HCN1: variants seen among roughly 807,000 people sequenced by gnomAD.
HCN1 encodes the protein potassium/sodium hyperpolarization-activated cyclic nucleotide-gated channel 1.
In HCN1, 13 loss-of-function variants were observed where a neutral mutation model predicts 78.9. The ratio of observed to expected loss-of-function variants is 0.16; its 90% CI spans 0.11 to 0.26. HCN1 has a LOEUF of 0.26. HCN1 is among the 10% of genes least tolerant of loss of function. The pLI, the probability that HCN1 is intolerant of heterozygous loss-of-function variation, is 1.00. For missense variants in HCN1, 810 were observed against 1,154.3 expected, an observed-to-expected ratio of 0.70 and a Z score of 4.32; for synonymous variants, 552 against 455.5, an observed-to-expected ratio of 1.21 and a Z score of -2.70.
At chr5:45,592,825 G>T (rs901014733) in intron 2 of HCN1, among the ~76,000 whole-genome samples, 1 of 152,000 alleles carries the variant, frequency 6.6e-6, no homozygotes, top group African/African-American at 2.4e-5. Context: ...ATAGGTACAA[G>T]AACCAAACCA....
chr5:45,580,707 G>T (rs1477259497), intron 2 of HCN1, among the ~76,000 whole-genome samples: 2 of 151,956 alleles, frequency 1.3e-5, no homozygotes, highest in African/African-American at 4.8e-5. Context: ...CCCCACAACA[G>T]GCCCTGGTGT....
At chr5:45,306,932 TA>T (rs1745746745) in intron 5 of HCN1, among the ~76,000 whole-genome samples, 1 of 152,172 alleles carries the variant, frequency 6.6e-6, no homozygotes, top group South Asian at 2.1e-4. Flanking sequence ...GTTGGCACTT[TA>T]AAAAATGCAA....
chr5:45,314,480 T>C (rs1745933257), intron 5 of HCN1, among the ~76,000 whole-genome samples: 2 of 152,128 alleles, frequency 1.3e-5, no homozygotes, highest in Admixed American at 1.3e-4. Context: ...CCAGCTAACA[T>C]CATAATGACA....
At chr5:45,419,544 T>C (rs1374010061) in intron 3 of HCN1, among the ~76,000 whole-genome samples, 1 of 152,198 alleles carries the variant, frequency 6.6e-6, no homozygotes, top group Non-Finnish European at 1.5e-5. Flanking sequence ...AATCTCTTTG[T>C]CCCTCCAAAT....
intron 2 of HCN1, among the ~76,000 whole-genome samples, chr5:45,571,661 T>C (rs1173180184): frequency 6.6e-6 from 1 of 152,178 alleles, no homozygotes; most frequent in Non-Finnish European, 1.5e-5. Context: ...ATGCCTGTAA[T>C]CCCAGCACTT....
At chr5:45,695,332 GTC>G (rs1266688064) in intron 1 of HCN1, among the ~76,000 whole-genome samples, 1 of 152,060 alleles carries the variant, frequency 6.6e-6, no homozygotes, top group Non-Finnish European at 1.5e-5. Context: ...TCACGCTCTC[GTC>G]TCTGAAGTAA....
At chr5:45,663,967 C>A (rs1473534031) in intron 1 of HCN1, among the ~76,000 whole-genome samples, 1 of 144,326 alleles carries the variant, frequency 6.9e-6, no homozygotes, top group Non-Finnish European at 1.5e-5. Flanking sequence ...GGTATATACC[C>A]AAATGACTAT....
chr5:45,296,950 G>C (rs1229600153), intron 6 of HCN1, among the ~76,000 whole-genome samples: 2 of 151,966 alleles, frequency 1.3e-5, no homozygotes, highest in African/African-American at 4.8e-5. Flanking sequence ...GGATCAATTT[G>C]CTGAGACCAG....
At chr5:45,406,125 A>C (rs1339687598) in intron 3 of HCN1, among the ~76,000 whole-genome samples, 1 of 152,134 alleles carries the variant, frequency 6.6e-6, no homozygotes, top group African/African-American at 2.4e-5. Context: ...TTTTATACTA[A>C]GAGTTCATTG....
intron 2 of HCN1, among the ~76,000 whole-genome samples, chr5:45,608,357 A>ATGTGTGTGTGTGTGTGTGTGTG (rs397970171): frequency 7.1e-6 from 1 of 140,412 alleles, no homozygotes; most frequent in African/African-American, 2.6e-5. Context: ...GGATGGGTGT[A>ATGTGTGTGTGTGTGTGTGTGTG]TGTGTGTGTG....
Position 45,548,575 on chromosome 5 carries a change from A to G in HCN1, c.850-86568T>C, listed in dbSNP as rs865840401. On this transcript the variant is annotated intron_variant, in intron 2 of 7. Coordinates refer to ENST00000303230, the MANE Select transcript of HCN1 (RefSeq NM_021072.4). ...CAAAAAACTGGAAGCATTCCCTTTG[A>G]AAACTGGCACAAGACAGGGATGCCC... 1.3e-5 allele frequency among the ~76,000 whole-genome samples: 2 copies of G among 152,124 alleles called. 1 individual carries two copies. Among genetic ancestry groups the G allele is most frequent in the South Asian group, 4.1e-4 (2 of 4,838 alleles).
intron 3 of HCN1, among the ~76,000 whole-genome samples, chr5:45,427,755 T>A (rs961363961): frequency 6.6e-6 from 1 of 152,162 alleles, no homozygotes; most frequent in Non-Finnish European, 1.5e-5. Context: ...TAGTTATTGA[T>A]AACATTTTTA....
intron 6 of HCN1, among the ~76,000 whole-genome samples, chr5:45,301,615 G>A (rs1297157051): frequency 1.3e-5 from 2 of 151,290 alleles, no homozygotes; most frequent in African/African-American, 4.9e-5. Context: ...CCAGCTACTA[G>A]GGAGGCTGAG....
rs994509783 is a variant in HCN1 at position 45,494,736 on chromosome 5, T to G, written c.850-32729A>C. On this transcript the variant is annotated intron_variant, in intron 2 of 7. Transcript: ENST00000303230. ...TCTAGGGTTTTTATGGTTTTAGGTCTAACGTTTAAGTCTTTACTCCATCTT... is the reference window on the plus strand; with the variant it reads ...TCTAGGGTTTTTATGGTTTTAGGTCGAACGTTTAAGTCTTTACTCCATCTT... Among the ~76,000 whole-genome samples the G allele has an allele frequency of 5.1e-3, 779 of 152,328 alleles. 4 individuals are homozygous for G. Among genetic ancestry groups the G allele is most frequent in the Non-Finnish European group, 7.3e-3 (496 of 68,038 alleles).
chr5:45,690,746 T>C (rs1365977894), intron 1 of HCN1, among the ~76,000 whole-genome samples: 1 of 152,072 alleles, frequency 6.6e-6, no homozygotes, highest in Non-Finnish European at 1.5e-5. Context: ...TCAGCCTAAT[T>C]CATAGTTTGT....
At chr5:45,658,082 C>T (rs571856161) in intron 1 of HCN1, among the ~76,000 whole-genome samples, 7 of 152,206 alleles carry the variant, frequency 4.6e-5, no homozygotes, top group South Asian at 4.1e-4. Flanking sequence ...GAAATAACGC[C>T]GCATATCTAC....
intron 2 of HCN1, among the ~76,000 whole-genome samples, chr5:45,580,108 G>T (rs1382471485): frequency 6.6e-6 from 1 of 152,038 alleles, no homozygotes; most frequent in Non-Finnish European, 1.5e-5. Context: ...GCCCTGAAAG[G>T]TTCCTATGTC....
intron 2 of HCN1, among the ~76,000 whole-genome samples, chr5:45,568,057 T>A (rs1466675597): frequency 6.6e-6 from 1 of 152,118 alleles, no homozygotes; most frequent in Non-Finnish European, 1.5e-5. Context: ...TAACAGGTCT[T>A]TCCACTCTAC....
In HCN1 at chr5:45,461,984, G is replaced by A. The variant is rs766568196; in HGVS notation, c.873C>T (p.Leu291=). The change falls in exon 3 of 8, where the codon CTC becomes CTT. Residue 291 remains leucine (L), a synonymous_variant. Transcript: ENST00000303230. ...TAAAAATTCTCACCACTGCACTGGC[G>A]AGATCATATGTCATGTGGAATATCT... ...WEEIFHMTYD[L]ASAVVRIFNL... is the part of the protein sequence containing the mutation. 8 of 1,613,036 alleles carry A rather than the reference G, an allele frequency of 5.0e-6. No individual in the cohort carries two copies. The highest frequency in any genetic ancestry group is 1.3e-5 in the African/African-American group (1 of 74,860).
Sources: allele counts gnomAD v4.1 joint callset (sites outside exome capture counted in the v4.1 genomes callset), GRCh38; gene constraint gnomAD v4.1.1; transcripts MANE v1.5; gene names NCBI Gene and HGNC (gene_info 2026-07-23, HGNC 2026-07-21).